Variants in CDC73 observed in about 807,000 individuals in gnomAD.
CDC73 encodes the protein parafibromin.
Under a neutral mutation model 83.7 loss-of-function variants are expected in CDC73, and 21 were observed. That is an observed-to-expected ratio of 0.25 (90% CI 0.18 to 0.36). The LOEUF (loss-of-function observed/expected upper bound fraction) is 0.36. CDC73 is among the 10% of genes least tolerant of loss of function. The pLI is 1.00. For synonymous variants in CDC73, 224 were observed against 212.9 expected (o/e 1.05, Z -0.45); for missense variants, 342 against 653.3 (o/e 0.52, Z 5.19).
At chr1:193,202,162 C>G (rs1328656029) in intron 10 of CDC73, among the ~76,000 whole-genome samples, 2 of 150,384 alleles carry the variant, frequency 1.3e-5, no homozygotes, top group Non-Finnish European at 3.0e-5. Flanking sequence ...GGCTAATGTT[C>G]CTTTTAATGG....
chr1:193,146,435 C>T (rs927955648), intron 7 of CDC73, among the ~76,000 whole-genome samples: 8 of 152,006 alleles, frequency 5.3e-5, no homozygotes, highest in African/African-American at 1.9e-4. Flanking sequence ...AAGAGCATAG[C>T]AGTGGCATCT....
Position 193,125,194 on chromosome 1 carries a change from C to A in CDC73, c.214C>A (p.Pro72Thr). 6.3e-7 allele frequency: 1 copy of A among 1,587,954 alleles called. No homozygotes were observed. Among genetic ancestry groups the A allele is most frequent in the Admixed American group, 1.7e-5 (1 of 60,002 alleles). Residue 72 changes from proline to threonine, a missense_variant, in exon 2 of 17, where the codon CCT becomes ACT. Pro to Thr is a conservative substitution (Grantham distance 38). This residue lies in a region of CDC73 where 99 missense variants were observed against 174.5 expected (regional missense o/e 0.57). Coordinates refer to ENST00000367435, the MANE Select transcript of CDC73 (RefSeq NM_024529.5). ...FLLNNVHLSH[P>T]VYVRRAATEN... ...ACTTAATAACGTGCACCTTTCTCAT[C>A]CTGTTTATGTCCGACGTGCAGCTGT...
intron 15 of CDC73, among the ~76,000 whole-genome samples, chr1:193,246,635 T>A (rs970920693): frequency 3.3e-5 from 5 of 152,118 alleles, no homozygotes; most frequent in African/African-American, 1.2e-4. Context: ...CTCTTCATCA[T>A]TTCTTACCAA....
rs1458256327 is a variant in CDC73 at position 193,205,207 on chromosome 1, C to CT, written c.1030+1355_1030+1356insT. On this transcript the variant is annotated intron_variant, in intron 11 of 16. Transcript: ENST00000367435. ...GCTATACCACCTGTCCCCCCCCCCC[C>CT]CTTTTTTTTTAAACTCATCAGTGCT... is the stretch of plus-strand genomic sequence containing the variant. Among the ~76,000 whole-genome samples, 78 of 105,842 alleles carry CT rather than the reference C, an allele frequency of 7.4e-4. 3 individuals carry two copies. The highest frequency in any genetic ancestry group is 1.1e-3 in the Non-Finnish European group (57 of 50,004). The allele number at this position is 105,842 out of a possible 152,430, so 69.4% of individuals were successfully genotyped here.
chr1:193,253,376 T>A lies in CDC73; in HGVS notation c.*2664T>A, dbSNP rs1426807966. The A allele has an allele frequency of 4.3e-6, 1 of 232,492 alleles. No individual in the cohort carries two copies. Among genetic ancestry groups the A allele is most frequent in the African/African-American group, 2.2e-5 (1 of 45,340 alleles). The allele number at this position is 232,492 out of a possible 1,614,324, so 14.4% of individuals were successfully genotyped here. A position where few individuals can be genotyped will look rare whatever the true frequency, so the allele number is the denominator to read the frequency against. On this transcript the variant is annotated 3_prime_UTR_variant, in exon 17 of 17. Coordinates refer to ENST00000367435, the MANE Select transcript of CDC73 (RefSeq NM_024529.5). ...CAGTATTAAATGTGTTTCCTCTTCC[T>A]TCTTTTCTGTATGTATGTGTGGTTT...
At chr1:193,228,152 T>C (rs1298885601) in intron 13 of CDC73, among the ~76,000 whole-genome samples, 1 of 152,198 alleles carries the variant, frequency 6.6e-6, no homozygotes, top group African/African-American at 2.4e-5. Flanking sequence ...TTTTTCATGA[T>C]TTAATATCTC....
intron 10 of CDC73, among the ~76,000 whole-genome samples, chr1:193,159,313 C>T (rs1004540434): frequency 6.6e-6 from 1 of 152,094 alleles, no homozygotes; most frequent in African/African-American, 2.4e-5. Context: ...TTAACTGTAT[C>T]CAGTTACACC....
intron 10 of CDC73, among the ~76,000 whole-genome samples, chr1:193,168,013 A>G (rs1284995265): frequency 1.3e-5 from 2 of 152,082 alleles, no homozygotes; most frequent in African/African-American, 4.8e-5. Flanking sequence ...GATGCCTGCC[A>G]CCACGACTGG....
intron 10 of CDC73, among the ~76,000 whole-genome samples, chr1:193,160,708 T>G (rs183493830): frequency 6.6e-6 from 1 of 152,210 alleles, no homozygotes; most frequent in East Asian, 1.9e-4. Context: ...ACAAATGCTT[T>G]TATTTTCTGT....
intron 16 of CDC73, among the ~76,000 whole-genome samples, chr1:193,250,221 A>G (rs535150293): frequency 7.2e-5 from 11 of 152,012 alleles, no homozygotes; most frequent in South Asian, 6.2e-4. Context: ...TGAAAGATCT[A>G]TGATTCTGGA....
intron 5 of CDC73, among the ~76,000 whole-genome samples, chr1:193,137,191 G>T (rs1041772858): frequency 1.3e-5 from 2 of 152,162 alleles, no homozygotes; most frequent in African/African-American, 4.8e-5. Context: ...AGAAATCTGG[G>T]CTATATCTTT....
At chr1:193,143,754 C>T (rs12145101) in intron 7 of CDC73, among the ~76,000 whole-genome samples, 6,024 of 152,142 alleles carry the variant, frequency 0.04, 116 homozygotes, top group Middle Eastern at 0.048. Context: ...GATAGACCTT[C>T]ATTATTACTA....
intron 1 of CDC73, among the ~76,000 whole-genome samples, 191 bp from the exon 2 acceptor site, chr1:193,124,921 C>G (rs1016358577): frequency 2.6e-5 from 4 of 152,080 alleles, no homozygotes; most frequent in Admixed American, 1.3e-4. Context: ...CTACTTCTTG[C>G]TTTTTGTCAT....
At chr1:193,144,822 T>TC (rs1675967876) in intron 7 of CDC73, among the ~76,000 whole-genome samples, 1 of 151,962 alleles carries the variant, frequency 6.6e-6, no homozygotes, top group Non-Finnish European at 1.5e-5. Context: ...AGACTTTTTT[T>TC]TTTTTTTTTT....
intron 10 of CDC73, among the ~76,000 whole-genome samples, chr1:193,163,149 GGT>G (rs201173882): frequency 0.022 from 1,490 of 68,834 alleles, 15 homozygotes; most frequent in African/African-American, 0.053. Flanking sequence ...AACTTTGTGG[GGT>G]TGTGTGTGTG....
intron 10 of CDC73, among the ~76,000 whole-genome samples, chr1:193,186,986 A>G (rs1446942681): frequency 2.0e-5 from 3 of 150,168 alleles, no homozygotes; most frequent in African/African-American, 4.9e-5. Context: ...TAACCCCTTC[A>G]GTGCATTCTC....
chr1:193,232,817 C>A (rs548551875), intron 13 of CDC73, among the ~76,000 whole-genome samples, 176 bp from the exon 14 acceptor site: 92 of 151,934 alleles, frequency 6.1e-4, no homozygotes, highest in Middle Eastern at 3.4e-3. Context: ...GCAGGAGAAT[C>A]GCTTGAAACC....
At chr1:193,244,806 T>C (rs1472222394) in intron 15 of CDC73, among the ~76,000 whole-genome samples, 1 of 152,188 alleles carries the variant, frequency 6.6e-6, no homozygotes, top group East Asian at 1.9e-4. Context: ...TATTATGTCC[T>C]TATTCTGCCT....
rs1210701199 is a variant in CDC73, at chr1:193,252,687, A to G, written c.*1975A>G. 4.3e-6 allele frequency: 1 copy of G among 231,286 alleles called. No individual in the cohort carries two copies. The highest frequency in any genetic ancestry group is 8.6e-6 in the Non-Finnish European group (1 of 116,864). The allele number at this position is 231,286 out of a possible 1,614,324, so 14.3% of individuals were successfully genotyped here. A position where few individuals can be genotyped will look rare whatever the true frequency, so the allele number is the denominator to read the frequency against. ...CCTCTTTTTCTTTTCCTCTTTGACA[A>G]TTTAGTCTCTTATTTAGGTCCATGT... On this transcript the variant is annotated 3_prime_UTR_variant, in exon 17 of 17. Coordinates refer to ENST00000367435, the MANE Select transcript of CDC73 (RefSeq NM_024529.5).
Sources: gnomAD v4.1 joint callset for allele counts (sites outside exome capture counted in the v4.1 genomes callset) on GRCh38, gnomAD v4.1.1 for gene constraint, gnomAD v4.1.1 regional missense constraint, MANE v1.5 for transcripts, NCBI Gene and HGNC (gene_info 2026-07-23, HGNC 2026-07-21) for gene names.